PHKB: variants seen among roughly 807,000 people sequenced by gnomAD.
PHKB encodes phosphorylase kinase regulatory subunit beta, also known as phosphorylase b kinase regulatory subunit beta.
A neutral mutation model predicts 152.1 loss-of-function variants in PHKB; 122 were observed. The ratio of observed to expected loss-of-function variants is 0.80; its 90% CI spans 0.69 to 0.93. The LOEUF is 0.93. Among genes scored for constraint, PHKB ranks in the 40% least tolerant of loss-of-function variants. The probability of loss-of-function intolerance (pLI) is 0.00; values close to 1 mark genes in which losing one functional copy is unlikely to be tolerated. For synonymous variants in PHKB, 436 were observed against 464.9 expected (o/e 0.94, Z 0.80); for missense variants, 1,304 against 1,328.4 (o/e 0.98, Z 0.29).
In PHKB at chr16:47,678,037, G is replaced by C. The variant is rs187143354; in HGVS notation, c.2630+8620G>C. 3.7e-3 allele frequency among the ~76,000 whole-genome samples: 564 copies of C among 150,702 alleles called. 4 individuals carry two copies. Among genetic ancestry groups the C allele is most frequent in the Middle Eastern group, 0.024 (7 of 288 alleles). ...ATGCGGTGTTTCCTTTTTTGTCCTC[G>C]CAATAGTTTGCTGAGAATGATGGTT... On this transcript the variant is annotated intron_variant, in intron 26 of 30. Coordinates refer to ENST00000323584, the MANE Select transcript of PHKB (RefSeq NM_000293.3).
intron 8 of PHKB, among the ~76,000 whole-genome samples, chr16:47,586,069 A>C (rs753766682): frequency 2.0e-5 from 3 of 152,156 alleles, no homozygotes; most frequent in Non-Finnish European, 2.9e-5. Flanking sequence ...TTTCACCAAA[A>C]TTCAGAGCCT....
At chr16:47,626,921 C>T (rs1011628345) in intron 14 of PHKB, among the ~76,000 whole-genome samples, 3 of 152,106 alleles carry the variant, frequency 2.0e-5, no homozygotes, top group Non-Finnish European at 4.4e-5. Flanking sequence ...AACTCAAATC[C>T]CAGGGAACAG....
chr16:47,492,652 C>A (rs1252066178), intron 1 of PHKB, among the ~76,000 whole-genome samples: 1 of 152,150 alleles, frequency 6.6e-6, no homozygotes, highest in Non-Finnish European at 1.5e-5. Context: ...GTGGCGGGAG[C>A]TGCTGCTCGC....
chr16:47,557,099 C>T (rs1163705441), intron 7 of PHKB, among the ~76,000 whole-genome samples: 1 of 152,154 alleles, frequency 6.6e-6, no homozygotes, highest in Non-Finnish European at 1.5e-5. Flanking sequence ...ACTACTTGAT[C>T]TTTGACAAAC....
chr16:47,492,603 C>T (rs930067981), intron 1 of PHKB, among the ~76,000 whole-genome samples: 3 of 152,128 alleles, frequency 2.0e-5, no homozygotes, highest in Admixed American at 6.5e-5. Flanking sequence ...TGTTGGGCAC[C>T]CTTGGTTCAC....
chr16:47,540,180 A>C (rs1479671760), intron 6 of PHKB, among the ~76,000 whole-genome samples: 3 of 152,048 alleles, frequency 2.0e-5, no homozygotes, highest in African/African-American at 7.2e-5. Flanking sequence ...TATGTGGTTG[A>C]GATAAGGACT....
intron 1 of PHKB, chr16:47,464,017 G>C (rs1969623197): frequency 7.2e-7 from 1 of 1,383,028 alleles, no homozygotes; most frequent in Non-Finnish European, 1.0e-6. Flanking sequence ...ACCCCAAAAG[G>C]GTCACTTGGT....
At chr16:47,664,447 A>C (rs576114595) in intron 24 of PHKB, 3 of 178,022 alleles carry the variant, frequency 1.7e-5, no homozygotes, top group East Asian at 3.1e-4. Context: ...AGTCTCAAGA[A>C]TGTCATAAGA....
chr16:47,645,137 C>T (rs185623108), intron 16 of PHKB, among the ~76,000 whole-genome samples: 1 of 151,718 alleles, frequency 6.6e-6, no homozygotes, highest in Non-Finnish European at 1.5e-5. Context: ...GAGTAGGTTG[C>T]GAAAATTTTC....
intron 16 of PHKB, among the ~76,000 whole-genome samples, chr16:47,645,214 T>G (rs1330211166): frequency 6.7e-6 from 1 of 148,306 alleles, no homozygotes; most frequent in Non-Finnish European, 1.5e-5. Context: ...GCTCTTTAGT[T>G]TAATTAGATC....
At chr16:47,610,159 A>ATTTTTTTTTTTTTTTTTTT (rs371224839) in intron 13 of PHKB, among the ~76,000 whole-genome samples, 9 of 99,444 alleles carry the variant, frequency 9.1e-5, no homozygotes, top group African/African-American at 1.2e-4. Flanking sequence ...TGCCCAGCTA[A>ATTTTTTTTTTTTTTTTTTT]TTTTTTTTTT....
intron 20 of PHKB, among the ~76,000 whole-genome samples, chr16:47,658,356 G>T (rs1039254994): frequency 5.9e-5 from 9 of 151,954 alleles, no homozygotes; most frequent in African/African-American, 2.2e-4. Context: ...ATATGAAATG[G>T]CTAACAACCC....
chr16:47,645,754 A>T (rs1311113486), intron 16 of PHKB, among the ~76,000 whole-genome samples: 1 of 150,864 alleles, frequency 6.6e-6, no homozygotes, highest in African/African-American at 2.4e-5. Flanking sequence ...GAAGACATTT[A>T]TGCAGCCAAA....
intron 7 of PHKB, chr16:47,565,669 G>T: frequency 1.6e-6 from 2 of 1,282,866 alleles, no homozygotes; most frequent in Non-Finnish European, 2.3e-6. Flanking sequence ...GACCATCCCT[G>T]TTCCTGAGTT....
At chr16:47,546,259 A>G (rs1476047113) in intron 6 of PHKB, among the ~76,000 whole-genome samples, 2 of 152,116 alleles carry the variant, frequency 1.3e-5, no homozygotes, top group African/African-American at 2.4e-5. Context: ...ATGGTGACCT[A>G]CAGATGGGGT....
intron 6 of PHKB, among the ~76,000 whole-genome samples, chr16:47,526,134 G>A (rs1304884381): frequency 3.3e-5 from 5 of 152,170 alleles, no homozygotes; most frequent in Non-Finnish European, 7.4e-5. Flanking sequence ...GGCCATCTGG[G>A]TGCGGTGGCT....
At chr16:47,616,090 A>G (rs1972509418) in intron 14 of PHKB, among the ~76,000 whole-genome samples, 1 of 151,838 alleles carries the variant, frequency 6.6e-6, no homozygotes, top group South Asian at 2.1e-4. Flanking sequence ...CCTTTATATG[A>G]TTGCAAATAT....
intron 1 of PHKB, among the ~76,000 whole-genome samples, chr16:47,478,791 T>C (rs1282134849): frequency 6.6e-6 from 1 of 152,190 alleles, no homozygotes; most frequent in Non-Finnish European, 1.5e-5. Flanking sequence ...TTGGTTAAAA[T>C]TAAATTTATG....
At chr16:47,670,456 T>G (rs2142080752) in intron 26 of PHKB, among the ~76,000 whole-genome samples, 3 of 152,290 alleles carry the variant, frequency 2.0e-5, no homozygotes, top group Middle Eastern at 6.8e-3. Context: ...AATTTCTCCT[T>G]GCATTTTTAT....
Sources: gnomAD v4.1 joint callset for allele counts (sites outside exome capture counted in the v4.1 genomes callset) on GRCh38, gnomAD v4.1.1 for gene constraint, MANE v1.5 for transcripts, NCBI Gene and HGNC (gene_info 2026-07-23, HGNC 2026-07-21) for gene names.